The following COL23A1 variants were observed in gnomAD, a reference collection of about 807,000 sequenced individuals.
COL23A1 encodes collagen type XXIII alpha 1 chain, also known as collagen alpha-1(XXIII) chain.
A neutral mutation model predicts 99.3 loss-of-function variants in COL23A1; 97 were observed. The ratio of observed to expected loss-of-function variants is 0.98; its 90% CI spans 0.83 to 1.16. The LOEUF (loss-of-function observed/expected upper bound fraction) is 1.16. COL23A1 is among the 50% of genes most tolerant of loss of function. The pLI is 0.00. For missense variants in COL23A1, 762 were observed against 757.4 expected (o/e 1.01, Z -0.07); for synonymous variants, 320 against 308.2 (o/e 1.04, Z -0.40).
intron 1 of COL23A1, among the ~76,000 whole-genome samples, chr5:178,563,267 T>C (rs189478535): frequency 2.5e-4 from 38 of 152,254 alleles, no homozygotes; most frequent in African/African-American, 8.4e-4. Flanking sequence ...GCTGCCCAGC[T>C]GTCCCACAGG....
chr5:178,379,680 G>A (rs764876298), intron 2 of COL23A1, among the ~76,000 whole-genome samples: 4 of 152,202 alleles, frequency 2.6e-5, no homozygotes, highest in Admixed American at 6.5e-5. Context: ...TCGGGAGTTC[G>A]AGACCAGCCT....
At chr5:178,431,745 G>A (rs1328115842) in intron 2 of COL23A1, among the ~76,000 whole-genome samples, 1 of 152,168 alleles carries the variant, frequency 6.6e-6, no homozygotes, top group African/African-American at 2.4e-5. Flanking sequence ...GCAAACTTCC[G>A]GCCTCAGGAA....
chr5:178,384,648 G>A lies in COL23A1; in HGVS notation c.362-77729C>T, dbSNP rs1763572396. ...ACCAAGGCTCAGAGGGGGCAGGGCC[G>A]GGACTTGGACTCAGATGCGTCCAGT... On this transcript the variant is annotated intron_variant, in intron 2 of 28. Transcript: ENST00000390654. The surrounding 1 kb of genome is among the most constrained non-coding windows in gnomAD (Gnocchi z 5.5). Among the ~76,000 whole-genome samples, 1 of 152,172 alleles carries A rather than the reference G, an allele frequency of 6.6e-6. No individual in the cohort carries two copies. Among genetic ancestry groups the A allele is most frequent in the South Asian group, 2.1e-4 (1 of 4,826 alleles).
intron 2 of COL23A1, among the ~76,000 whole-genome samples, chr5:178,426,867 G>T (rs1019034599): frequency 2.0e-5 from 3 of 152,192 alleles, no homozygotes; most frequent in African/African-American, 7.2e-5. Context: ...TACGAGAGAC[G>T]CTGCCCATCA....
At chr5:178,571,073 G>A (rs1003191994) in intron 1 of COL23A1, among the ~76,000 whole-genome samples, 3 of 152,060 alleles carry the variant, frequency 2.0e-5, no homozygotes, top group Admixed American at 6.6e-5. Context: ...AGAAAGTACT[G>A]AGGAGAGGCA....
intron 2 of COL23A1, among the ~76,000 whole-genome samples, chr5:178,469,196 C>T (rs75020519): frequency 1.8e-4 from 27 of 152,194 alleles, no homozygotes; most frequent in African/African-American, 6.5e-4. Flanking sequence ...GTGAACAATG[C>T]TGCCCTGAAC....
intron 2 of COL23A1, among the ~76,000 whole-genome samples, chr5:178,407,161 C>T (rs1334548214): frequency 2.6e-5 from 4 of 152,158 alleles, no homozygotes; most frequent in Non-Finnish European, 4.4e-5. Context: ...GCACTCCTGC[C>T]CCACCCAGCA....
chr5:178,253,698 G>C (rs1049949091), intron 16 of COL23A1, among the ~76,000 whole-genome samples: 8 of 151,838 alleles, frequency 5.3e-5, no homozygotes, highest in Non-Finnish European at 1.2e-4. Flanking sequence ...GGCCATGCTG[G>C]TCTCGAACTC....
intron 2 of COL23A1, among the ~76,000 whole-genome samples, chr5:178,370,554 G>A (rs756666232): frequency 1.6e-4 from 24 of 152,146 alleles, no homozygotes; most frequent in Non-Finnish European, 3.5e-4. Flanking sequence ...TCATTAGACA[G>A]GGGGAAGAAA....
intron 2 of COL23A1, among the ~76,000 whole-genome samples, chr5:178,359,642 G>A (rs1762071511): frequency 6.6e-6 from 1 of 152,194 alleles, no homozygotes; most frequent in African/African-American, 2.4e-5. Flanking sequence ...GGTGTGGAGT[G>A]AAAACCCAGT....
At chr5:178,562,743 G>GGGGGGGGGGGGGGGGGGGGGGGT (rs1480993197) in intron 1 of COL23A1, 1 of 143,270 alleles carries the variant, frequency 7.0e-6, no homozygotes, top group African/African-American at 2.8e-5. Context: ...TGGTGGGGGG[G>GGGGGGGGGGGGGGGGGGGGGGGT]GTGCGGGCTT....
At chr5:178,430,125 C>T (rs953962962) in intron 2 of COL23A1, among the ~76,000 whole-genome samples, 3 of 152,180 alleles carry the variant, frequency 2.0e-5, no homozygotes, top group Non-Finnish European at 2.9e-5. Flanking sequence ...CTTTTAAGAG[C>T]ACCAGAAACT....
chr5:178,348,951 C>T (rs1223202515), intron 2 of COL23A1, among the ~76,000 whole-genome samples: 5 of 152,146 alleles, frequency 3.3e-5, no homozygotes, highest in Non-Finnish European at 5.9e-5. Flanking sequence ...GGCCGACCCC[C>T]AAATCCCACC....
intron 2 of COL23A1, among the ~76,000 whole-genome samples, chr5:178,442,198 CTT>C (rs749701490): frequency 1.3e-5 from 2 of 151,742 alleles, no homozygotes; most frequent in Non-Finnish European, 2.9e-5. Context: ...ATCTCTCTCT[CTT>C]TGTCTTAGGA....
Position 178,498,976 on chromosome 5 carries a change from GCT to G in COL23A1, c.361+61704_361+61705del, listed in dbSNP as rs560914835. ...ATGGTGGTCCTTGCCTGTAATCCCA[GCT>G]ACTCAGGAGGATGAGGCAGGAGAAT... On this transcript the variant is annotated intron_variant, in intron 2 of 28. Coordinates refer to ENST00000390654, the MANE Select transcript of COL23A1 (RefSeq NM_173465.4). Among the ~76,000 whole-genome samples the G allele has an allele frequency of 4.6e-5, 7 of 152,098 alleles. No homozygotes were observed. The South Asian group carries it at 1.5e-3, about 32-fold the overall frequency.
chr5:178,308,828 G>T lies in COL23A1; in HGVS notation c.362-1909C>A, dbSNP rs138291604. Among the ~76,000 whole-genome samples, 44 of 16,100 alleles carry T rather than the reference G, an allele frequency of 2.7e-3. 1 individual carries two copies. The highest frequency in any genetic ancestry group is 0.01 in the African/African-American group (43 of 4,168). 10.6% of individuals were successfully genotyped at this position (16,100 alleles called of 152,430 possible). A position where few individuals can be genotyped will look rare whatever the true frequency, so the allele number is the denominator to read the frequency against. On this transcript the variant is annotated intron_variant, in intron 2 of 28. Transcript: ENST00000390654. The surrounding 1 kb of genome is among the most constrained non-coding windows in gnomAD (Gnocchi z 5.1). The stretch of plus-strand genomic sequence containing the variant: ...GTTTGGGGGGCAGGTCAGCACTCTC[G>T]GGGGGGGCTTTCCTCCTCTCTGGGC...
chr5:178,429,331 C>T (rs1766127055), intron 2 of COL23A1, among the ~76,000 whole-genome samples: 2 of 152,186 alleles, frequency 1.3e-5, no homozygotes. Context: ...AAGGGCCCCT[C>T]CTCTGCCTTC....
intron 1 of COL23A1, among the ~76,000 whole-genome samples, chr5:178,568,285 G>C (rs886782361): frequency 2.0e-5 from 3 of 152,142 alleles, no homozygotes; most frequent in Non-Finnish European, 2.9e-5. Context: ...GTGTGTCCTA[G>C]ATGGACCGTG....
At chr5:178,483,923 T>A (rs1483714108) in intron 2 of COL23A1, among the ~76,000 whole-genome samples, 1 of 152,158 alleles carries the variant, frequency 6.6e-6, no homozygotes, top group African/African-American at 2.4e-5. Context: ...GGGTACCGGC[T>A]CTGTGCTAGG....
Sources: allele counts gnomAD v4.1 joint callset (sites outside exome capture counted in the v4.1 genomes callset), GRCh38; gene constraint gnomAD v4.1.1; non-coding constraint Gnocchi (gnomAD v3.1); transcripts MANE v1.5; gene names NCBI Gene and HGNC (gene_info 2026-07-23, HGNC 2026-07-21).